TENT5C: variants seen among roughly 807,000 people sequenced by gnomAD.
The protein encoded by TENT5C is terminal nucleotidyltransferase 5C.
A neutral mutation model predicts 22.2 loss-of-function variants in TENT5C; 5 were observed. The ratio of observed to expected loss-of-function variants is 0.22; its 90% confidence interval spans 0.12 to 0.47. TENT5C has a LOEUF of 0.47. Among genes scored for constraint, TENT5C ranks in the 20% least tolerant of loss-of-function variants. The pLI is 0.99. For synonymous variants in TENT5C, 199 were observed against 195.4 expected, an observed-to-expected ratio of 1.02 and a Z score of -0.15; for missense variants, 364 against 500.9, an observed-to-expected ratio of 0.73 and a Z score of 2.61.
At position 117,622,807 on chromosome 1, in the gene TENT5C, G is replaced by A. The variant is rs1653922998; in HGVS notation, c.-27-35G>A. 4 of 1,472,276 alleles carry A rather than the reference G, an allele frequency of 2.7e-6. 1 individual carries two copies. In the Admixed American group the frequency reaches 5.3e-5, roughly 19 times the overall value. The allele number at this position is 1,472,276 out of a possible 1,614,324, so 91.2% of individuals were successfully genotyped here. ...TCGAGCTGCTTTGCCATGTAGAAGT[G>A]AATCCTAACTCTGCTTCTCACCCCT... On this transcript the variant is annotated intron_variant, in intron 1 of 1. Transcript: ENST00000369448.
At chr1:117,608,703 T>C (rs999635372) in intron 1 of TENT5C, among the ~76,000 whole-genome samples, 1 of 152,154 alleles carries the variant, frequency 6.6e-6, no homozygotes, top group Non-Finnish European at 1.5e-5. Context: ...CAATGTTGTG[T>C]TCATGGAGTT....
rs1654038651 is a variant in TENT5C at position 117,627,585 on chromosome 1, C to G, written c.*3541C>G. 8.1e-6 allele frequency: 2 copies of G among 247,976 alleles called. No homozygotes were observed. Among genetic ancestry groups the G allele is most frequent in the African/African-American group, 4.4e-5 (2 of 45,324 alleles). The allele number at this position is 247,976 out of a possible 1,614,324, so 15.4% of individuals were successfully genotyped here. A position where few individuals can be genotyped will look rare whatever the true frequency, so the allele number is the denominator to read the frequency against. ...AGGCCATTCCTTCCTGGGTGTCGGA[C>G]CAGGGCTCTGTGTCAGGGAAAACCT... On this transcript the variant is annotated 3_prime_UTR_variant, in exon 2 of 2. Coordinates refer to ENST00000369448, the MANE Select transcript of TENT5C (RefSeq NM_017709.4).
Position 117,626,815 on chromosome 1 carries a change from GAT to G in TENT5C, c.*2772_*2773del, listed in dbSNP as rs1654023859. 2 of 248,138 alleles carry G rather than the reference GAT, an allele frequency of 8.1e-6. No homozygotes were observed. The highest frequency in any genetic ancestry group is 1.7e-5 in the Non-Finnish European group (2 of 118,136). The allele number at this position is 248,138 out of a possible 1,614,324, so 15.4% of individuals were successfully genotyped here. ...AGTCTCTTATTTGTTTCGGGACTCTGATTTGACTCTTTTTCTGATGCTTTCGG... is the reference window on the plus strand; with the variant it reads ...AGTCTCTTATTTGTTTCGGGACTCTGTTGACTCTTTTTCTGATGCTTTCGG... On this transcript the variant is annotated 3_prime_UTR_variant, in exon 2 of 2. Coordinates refer to ENST00000369448, the MANE Select transcript of TENT5C (RefSeq NM_017709.4).
Position 117,626,350 on chromosome 1 carries a change from G to A in TENT5C, c.*2306G>A, listed in dbSNP as rs558264823. ...GAATGAAAGGAGGCACAGAAGTTGC[G>A]AGAAAGACCCAGTCCCCAGTCTTTG... On this transcript the variant is annotated 3_prime_UTR_variant, in exon 2 of 2. Coordinates refer to ENST00000369448, the MANE Select transcript of TENT5C (RefSeq NM_017709.4). 24 of 247,868 alleles carry A rather than the reference G, an allele frequency of 9.7e-5. No homozygotes were observed. The highest frequency in any genetic ancestry group is 5.1e-4 in the African/African-American group (23 of 45,368). 15.4% of individuals were successfully genotyped at this position (247,868 alleles called of 1,614,324 possible).
At chr1:117,621,972 G>C (rs776229226) in intron 1 of TENT5C, among the ~76,000 whole-genome samples, 2 of 152,082 alleles carry the variant, frequency 1.3e-5, no homozygotes, top group African/African-American at 2.4e-5. Flanking sequence ...TATTCTCCTC[G>C]GGTAGCTTTA....
intron 1 of TENT5C, among the ~76,000 whole-genome samples, chr1:117,622,063 G>T (rs1335897018): frequency 6.6e-6 from 1 of 152,192 alleles, no homozygotes; most frequent in Non-Finnish European, 1.5e-5. Context: ...GGGCATCCTT[G>T]CTAGGAAGAG....
intron 1 of TENT5C, among the ~76,000 whole-genome samples, chr1:117,617,933 C>G (rs1653820366): frequency 6.6e-6 from 1 of 152,160 alleles, no homozygotes; most frequent in African/African-American, 2.4e-5. Flanking sequence ...AATGAAGAAT[C>G]CCTTTCTAAT....
At chr1:117,612,693 A>G (rs1004587370) in intron 1 of TENT5C, among the ~76,000 whole-genome samples, 14 of 152,368 alleles carry the variant, frequency 9.2e-5, no homozygotes, top group African/African-American at 3.4e-4. Flanking sequence ...TATGCACGTA[A>G]TTAGCATCTG....
At chr1:117,616,460 A>C (rs892395115) in intron 1 of TENT5C, among the ~76,000 whole-genome samples, 1 of 152,206 alleles carries the variant, frequency 6.6e-6, no homozygotes, top group African/African-American at 2.4e-5. Context: ...CTTTTTGTCT[A>C]AAGTGTCCTC....
Position 117,624,960 on chromosome 1 carries a change from G to A in TENT5C, c.*916G>A, listed in dbSNP as rs772098892. Reference sequence around the variant, plus strand: ...TTTGTTTTATTCTTCCTAAGACTGAGGATTGTGCTGAGTCCAGAGTCATTG... The same window carrying A: ...TTTGTTTTATTCTTCCTAAGACTGAAGATTGTGCTGAGTCCAGAGTCATTG... On this transcript the variant is annotated 3_prime_UTR_variant, in exon 2 of 2. Coordinates refer to ENST00000369448, the MANE Select transcript of TENT5C (RefSeq NM_017709.4). The A allele has an allele frequency of 1.2e-5, 3 of 247,798 alleles. No homozygotes were observed. Among genetic ancestry groups the A allele is most frequent in the South Asian group, 1.8e-4 (1 of 5,512 alleles). The allele number at this position is 247,798 out of a possible 1,614,324, so 15.3% of individuals were successfully genotyped here.
In TENT5C at chr1:117,627,325, C is replaced by A. The variant is rs1286910952; in HGVS notation, c.*3281C>A. Reference sequence around the variant, plus strand: ...CTTATTCTTCAGCTTCACCTCTGCACTAACCCCTTACCCTTATGGTACGTC... The same window carrying A: ...CTTATTCTTCAGCTTCACCTCTGCAATAACCCCTTACCCTTATGGTACGTC... On this transcript the variant is annotated 3_prime_UTR_variant, in exon 2 of 2. Transcript: ENST00000369448. 4.0e-6 allele frequency: 1 copy of A among 248,100 alleles called. No homozygotes were observed. Among genetic ancestry groups the A allele is most frequent in the Non-Finnish European group, 8.5e-6 (1 of 118,148 alleles). The allele number at this position is 248,100 out of a possible 1,614,324, so 15.4% of individuals were successfully genotyped here.
intron 1 of TENT5C, among the ~76,000 whole-genome samples, chr1:117,620,450 C>A (rs1444369614): frequency 6.6e-6 from 1 of 152,158 alleles, no homozygotes; most frequent in Non-Finnish European, 1.5e-5. Context: ...TGTATTTCTT[C>A]AGGTAGACCA....
rs1025744562 is a variant in TENT5C, at chr1:117,627,892, T to C, written c.*3848T>C. ...TGTGTGTGTTCAAGTGCCTAAATCT[T>C]GTTTACCTATCACTTTAAAAAAATA... On this transcript the variant is annotated 3_prime_UTR_variant, in exon 2 of 2. Transcript: ENST00000369448. The C allele has an allele frequency of 1.6e-5, 4 of 247,836 alleles. No homozygotes were observed. The highest frequency in any genetic ancestry group is 3.4e-5 in the Non-Finnish European group (4 of 118,112). The allele number at this position is 247,836 out of a possible 1,614,324, so 15.4% of individuals were successfully genotyped here.
intron 1 of TENT5C, among the ~76,000 whole-genome samples, chr1:117,615,355 C>A (rs1653757756): frequency 2.6e-5 from 4 of 152,224 alleles, no homozygotes. Context: ...AGCAGTGCAT[C>A]CTTGGACAGT....
chr1:117,607,971 C>T (rs1355862106), intron 1 of TENT5C, among the ~76,000 whole-genome samples: 4 of 151,822 alleles, frequency 2.6e-5, no homozygotes, highest in South Asian at 2.1e-4. Context: ...ATACCCATAG[C>T]TTTAGAGTAC....
intron 1 of TENT5C, among the ~76,000 whole-genome samples, chr1:117,613,144 A>G (rs1281642227): frequency 6.6e-6 from 1 of 152,304 alleles, no homozygotes; most frequent in East Asian, 1.9e-4. Flanking sequence ...ATCTAGAAAG[A>G]AGCAGTTGAT....
At position 117,626,225 on chromosome 1, in the gene TENT5C, G is replaced by A. The variant is rs1654008770; in HGVS notation, c.*2181G>A. The stretch of plus-strand genomic sequence containing the variant: ...GGCCCAGGGTAATGAGGCACCAGAT[G>A]AAGATAAGATCTGCATCAAGGAATT... On this transcript the variant is annotated 3_prime_UTR_variant, in exon 2 of 2. Transcript: ENST00000369448. 4.0e-6 allele frequency: 1 copy of A among 247,896 alleles called. No homozygotes were observed. Among genetic ancestry groups the A allele is most frequent in the Non-Finnish European group, 8.5e-6 (1 of 117,956 alleles). 15.4% of individuals were successfully genotyped at this position (247,896 alleles called of 1,614,324 possible).
At chr1:117,618,943 A>C (rs992055647) in intron 1 of TENT5C, among the ~76,000 whole-genome samples, 3 of 152,246 alleles carry the variant, frequency 2.0e-5, no homozygotes, top group Admixed American at 2.0e-4. Context: ...TTTCACAGTC[A>C]TACAGAAAGA....
intron 1 of TENT5C, among the ~76,000 whole-genome samples, chr1:117,607,013 T>C (rs528821964): frequency 1.3e-5 from 2 of 151,974 alleles, no homozygotes; most frequent in Non-Finnish European, 2.9e-5. Flanking sequence ...CCCCGGGAGG[T>C]GTCGCAGTTC....
Sources: allele counts gnomAD v4.1 joint callset (sites outside exome capture counted in the v4.1 genomes callset), GRCh38; gene constraint gnomAD v4.1.1; transcripts MANE v1.5; gene names NCBI Gene and HGNC (gene_info 2026-07-23, HGNC 2026-07-21).